Variants in CSE1L observed in about 807,000 individuals in gnomAD.
CSE1L encodes the protein chromosome segregation 1 like, also known as exportin-2.
A neutral mutation model predicts 120.4 loss-of-function variants in CSE1L; 24 were observed. The observed-to-expected ratio is 0.20, with a 90% confidence interval of 0.14 to 0.28. The LOEUF is 0.28. CSE1L is among the 10% of genes least tolerant of loss of function. CSE1L has a pLI of 1.00. For missense variants in CSE1L, 830 were observed against 1,145.2 expected, an observed-to-expected ratio of 0.72 and a Z score of 3.97; for synonymous variants, 402 against 398.3, an observed-to-expected ratio of 1.01 and a Z score of -0.11.
chr20:49,092,909 A>C (rs942065883), intron 22 of CSE1L, among the ~76,000 whole-genome samples: 14 of 152,204 alleles, frequency 9.2e-5, no homozygotes, highest in African/African-American at 3.4e-4. Flanking sequence ...TGCTAATGCA[A>C]ACACAGCAGA....
chr20:49,068,505 A>G (rs1319985230), intron 6 of CSE1L, among the ~76,000 whole-genome samples: 1 of 152,194 alleles, frequency 6.6e-6, no homozygotes, highest in Non-Finnish European at 1.5e-5. Context: ...AGGCTGAGGC[A>G]GGAGAATGGT....
At position 49,063,225 on chromosome 20, in the gene CSE1L, G is replaced by T; in HGVS notation, c.109G>T (p.Glu37Ter). 3 of 1,583,532 alleles carry T rather than the reference G, an allele frequency of 1.9e-6. No homozygotes were observed. The highest frequency in any genetic ancestry group is 2.6e-6 in the Non-Finnish European group (3 of 1,170,702). The change falls in exon 3 of 25, where the codon GAA (glutamate) becomes TAA (stop). Residue 37 changes from glutamate (E) to a stop codon, truncating the protein, a stop_gained. Transcript: ENST00000262982. LOFTEE classifies it high-confidence loss of function. ...RPAEKFLESV[E>*]GNQNYPLLLL... ...AGCTGAGAAATTTCTTGAATCTGTT[G>T]AAGGAAATCAGAATTATCCACTGTT...
intron 1 of CSE1L, among the ~76,000 whole-genome samples, chr20:49,047,504 C>T (rs1413007960): frequency 6.6e-6 from 1 of 151,340 alleles, no homozygotes; most frequent in Non-Finnish European, 1.5e-5. Context: ...TTTCCCTCAC[C>T]TTAGGCCTCC....
chr20:49,079,980 A>G (rs1600619940), intron 14 of CSE1L, among the ~76,000 whole-genome samples: 1 of 152,192 alleles, frequency 6.6e-6, no homozygotes, highest in South Asian at 2.1e-4. Flanking sequence ...AGGCTGAGAC[A>G]TGAGAATCAC....
chr20:49,094,998 G>A, intron 24 of CSE1L, 35 bp downstream of exon 24: 1 of 1,552,608 alleles, frequency 6.4e-7, no homozygotes. Context: ...GTGATAAATG[G>A]AGACTTTAAT....
Position 49,078,484 on chromosome 20 carries a change from A to T in CSE1L, c.1421-77A>T, listed in dbSNP as rs2091986063. The T allele has an allele frequency of 4.3e-6, 4 of 926,710 alleles. No homozygotes were observed. In the East Asian group the frequency reaches 1.1e-4, roughly 25 times the overall value. The allele number at this position is 926,710 out of a possible 1,614,324, so 57.4% of individuals were successfully genotyped here. ...ACTTGACATTTTATCTTTTTTTATA[A>T]CTCTGATGATGTCACTAATTTGGAA... On this transcript the variant is annotated intron_variant, in intron 13 of 24. Transcript: ENST00000262982.
chr20:49,060,921 C>T (rs1393046109), intron 2 of CSE1L, among the ~76,000 whole-genome samples: 1 of 152,062 alleles, frequency 6.6e-6, no homozygotes, highest in Non-Finnish European at 1.5e-5. Flanking sequence ...TGTGCATGCT[C>T]ATAGAGGATG....
intron 13 of CSE1L, 152 bp downstream of exon 13, chr20:49,077,216 G>A: frequency 1.9e-6 from 1 of 532,670 alleles, no homozygotes; most frequent in Middle Eastern, 5.0e-4. Context: ...CTGGAGTGCA[G>A]TGGCACAGTC....
Position 49,066,405 on chromosome 20 carries a change from C to T in CSE1L, c.371C>T (p.Pro124Leu), listed in dbSNP as rs1334983529. The change falls in exon 5 of 25, where the codon CCA (proline) becomes CTA (leucine). Residue 124 changes from proline (P) to leucine (L), a missense_variant. Physicochemically the swap from Pro to Leu is moderately conservative, Grantham distance 98. Transcript: ENST00000262982. ...AISIIGREDF[P>L]QKWPDLLTEM... ...AGCATTATTGGCAGAGAAGATTTTCCACAGAAATGGCCTGACTTGCTGACA... is the reference window on the plus strand; with the variant it reads ...AGCATTATTGGCAGAGAAGATTTTCTACAGAAATGGCCTGACTTGCTGACA... 1.2e-6 allele frequency: 2 copies of T among 1,614,178 alleles called. No homozygotes were observed. The highest frequency in any genetic ancestry group is 1.7e-6 in the Non-Finnish European group (2 of 1,180,026).
intron 8 of CSE1L, among the ~76,000 whole-genome samples, chr20:49,071,933 A>G (rs1444170604): frequency 7.4e-6 from 1 of 134,276 alleles, no homozygotes. Flanking sequence ...GCGCCACTGC[A>G]CTCCAGCCTG....
At chr20:49,094,646 T>C (rs2090392771) in intron 23 of CSE1L, 86 bp from the exon 24 acceptor site, 1 of 877,486 alleles carries the variant, frequency 1.1e-6, no homozygotes, top group Non-Finnish European at 1.8e-6. Flanking sequence ...TATGAGTCTG[T>C]AATTTTGTGT....
At chr20:49,066,084 G>C (rs1440352840) in intron 3 of CSE1L, 108 bp from the exon 4 acceptor site, 4 of 917,894 alleles carry the variant, frequency 4.4e-6, no homozygotes, top group African/African-American at 1.7e-5. Flanking sequence ...TCCTCTATTT[G>C]TTTTCTTAGA....
chr20:49,085,562 A>ATTTTTTT (rs11471947), intron 16 of CSE1L, among the ~76,000 whole-genome samples, 176 bp downstream of exon 16: 5,619 of 79,988 alleles, frequency 0.07, 1,345 homozygotes, highest in Non-Finnish European at 0.11. Flanking sequence ...ACTAACAATA[A>ATTTTTTT]TTTTTTTTTT....
chr20:49,084,111 C>T lies in CSE1L; in HGVS notation c.1568C>T (p.Ala523Val). 1 of 1,614,040 alleles carries T rather than the reference C, an allele frequency of 6.2e-7. No homozygotes were observed. The change falls in exon 15 of 25, where the codon GCT becomes GTT. Residue 523 changes from alanine to valine, a missense_variant. Transcript: ENST00000262982. Reference protein sequence around the residue: ...AESIVVHTYAAHALERLFTMR... With the variant: ...AESIVVHTYAVHALERLFTMR... Reference sequence around the variant, plus strand: ...AGTATTGTTGTTCATACTTACGCAGCTCATGCTCTTGAACGGCTCTTTACT... The same window carrying T: ...AGTATTGTTGTTCATACTTACGCAGTTCATGCTCTTGAACGGCTCTTTACT...
intron 1 of CSE1L, among the ~76,000 whole-genome samples, chr20:49,049,162 C>G (rs1011916939): frequency 1.5e-4 from 23 of 151,868 alleles, no homozygotes; most frequent in Non-Finnish European, 3.4e-4. Context: ...AAGATAGTTA[C>G]GTGGAGAAAG....
rs143723536 is a variant in CSE1L at position 49,079,967 on chromosome 20, G to T, written c.1482+1345G>T. On this transcript the variant is annotated intron_variant, in intron 14 of 24. Transcript: ENST00000262982. ...CACATGCCTATAATCCCATCTACTC[G>T]GGAGGCTGAGACATGAGAATCACTT... Among the ~76,000 whole-genome samples, 331 of 152,140 alleles carry T rather than the reference G, an allele frequency of 2.2e-3. 1 individual carries two copies. The highest frequency in any genetic ancestry group is 4.0e-3 in the Non-Finnish European group (271 of 68,010).
At chr20:49,049,404 C>T (rs1330780608) in intron 1 of CSE1L, among the ~76,000 whole-genome samples, 1 of 151,918 alleles carries the variant, frequency 6.6e-6, no homozygotes, top group Non-Finnish European at 1.5e-5. Flanking sequence ...TGGTCTCAAA[C>T]TCCTGGACTC....
At chr20:49,077,135 T>A in intron 13 of CSE1L, 71 bp downstream of exon 13, 4 of 772,252 alleles carry the variant, frequency 5.2e-6, no homozygotes, top group Non-Finnish European at 8.4e-6. Flanking sequence ...CAGCTTCCTA[T>A]CCTTGTTCCC....
intron 2 of CSE1L, among the ~76,000 whole-genome samples, chr20:49,060,362 G>A (rs1366514132): frequency 6.6e-6 from 1 of 151,678 alleles, no homozygotes; most frequent in South Asian, 2.1e-4. Context: ...CACGGCTGTA[G>A]TCCCAGATAC....
Sources: allele counts gnomAD v4.1 joint callset (sites outside exome capture counted in the v4.1 genomes callset), GRCh38; gene constraint gnomAD v4.1.1; transcripts MANE v1.5; gene names NCBI Gene and HGNC (gene_info 2026-07-23, HGNC 2026-07-21).